SLC7A14: variants seen among roughly 807,000 people sequenced by gnomAD.
SLC7A14 encodes the protein gamma-aminobutyric acid transporter SLC7A14.
SLC7A14 carries 37 observed loss-of-function variants against 60.2 expected under a neutral mutation model. The ratio of observed to expected loss-of-function variants is 0.61; its 90% CI spans 0.47 to 0.81. SLC7A14 has a LOEUF of 0.81. SLC7A14 is among the 30% of genes least tolerant of loss of function. SLC7A14 has a pLI of 0.00. For missense variants in SLC7A14, 886 were observed against 982.7 expected, an observed-to-expected ratio of 0.90 and a Z score of 1.32; for synonymous variants, 399 against 395.8, an observed-to-expected ratio of 1.01 and a Z score of -0.10.
intron 1 of SLC7A14, among the ~76,000 whole-genome samples, chr3:170,575,422 G>A (rs980149547): frequency 1.3e-5 from 2 of 152,200 alleles, no homozygotes; most frequent in Admixed American, 6.5e-5. Context: ...TCATGTGTTA[G>A]TGTACTGTCT....
At chr3:170,545,740 A>G (rs1714159004) in intron 1 of SLC7A14, among the ~76,000 whole-genome samples, 1 of 152,226 alleles carries the variant, frequency 6.6e-6, no homozygotes, top group African/African-American at 2.4e-5. Context: ...TTCTCCTGCC[A>G]AGAAAACTTT....
intron 1 of SLC7A14, among the ~76,000 whole-genome samples, chr3:170,571,365 C>A (rs1356239714): frequency 6.6e-6 from 1 of 152,172 alleles, no homozygotes; most frequent in Non-Finnish European, 1.5e-5. Context: ...CTGTCTTTCA[C>A]AAACCACTCA....
Position 170,483,317 on chromosome 3 carries a change from A to G in SLC7A14, c.1112T>C (p.Phe371Ser). ...IYAMAGDGLL[F>S]RFLAHVSSYT... is the part of the protein sequence containing the mutation. ...TTTCATGGAGCATAGCCCTTACCTG[A>G]AAAGGAGCCCGTCACCAGCCATGGC... is the stretch of plus-strand genomic sequence containing the variant. The change falls in exon 6 of 8, where the codon TTC becomes TCC. Residue 371 changes from phenylalanine to serine, a missense_variant. Physicochemically the swap from Phe to Ser is radical, Grantham distance 155. Transcript: ENST00000231706. The G allele has an allele frequency of 1.2e-6, 2 of 1,614,004 alleles. No homozygotes were observed. Among genetic ancestry groups the G allele is most frequent in the Non-Finnish European group, 1.7e-6 (2 of 1,179,928 alleles).
intron 2 of SLC7A14, among the ~76,000 whole-genome samples, chr3:170,512,933 T>A (rs1490937554): frequency 6.6e-6 from 1 of 152,006 alleles, no homozygotes; most frequent in African/African-American, 2.4e-5. Flanking sequence ...CTGCTGCTGG[T>A]CTATGAGGAT....
intron 4 of SLC7A14, among the ~76,000 whole-genome samples, chr3:170,492,506 A>G (rs948707230): frequency 1.7e-4 from 26 of 152,188 alleles, no homozygotes; most frequent in African/African-American, 6.3e-4. Context: ...CTCTGCCTCA[A>G]AAAAAAGTAC....
chr3:170,585,044 C>A lies in SLC7A14; in HGVS notation c.-153+867G>T, dbSNP rs991066080. Among the ~76,000 whole-genome samples the A allele has an allele frequency of 2.0e-5, 3 of 151,896 alleles. No homozygotes were observed. Among genetic ancestry groups the A allele is most frequent in the Non-Finnish European group, 4.4e-5 (3 of 67,974 alleles). On this transcript the variant is annotated intron_variant, in intron 1 of 7. Coordinates refer to ENST00000231706, the MANE Select transcript of SLC7A14 (RefSeq NM_020949.3). The surrounding 1 kb of genome is among the most constrained non-coding windows in gnomAD (Gnocchi z 5.1). ...CTCTTCAATCGCAATATAAAATACT[C>A]ATTTGGGGAGGGGGCAGGGTGACAC...
At chr3:170,485,506 CA>C (rs1002964328) in intron 5 of SLC7A14, among the ~76,000 whole-genome samples, 1 of 152,096 alleles carries the variant, frequency 6.6e-6, no homozygotes, top group African/African-American at 2.4e-5. Context: ...TCTCCATTGC[CA>C]GGGGCAGAGG....
intron 2 of SLC7A14, among the ~76,000 whole-genome samples, chr3:170,515,602 T>A (rs186854922): frequency 7.9e-5 from 12 of 151,354 alleles, no homozygotes; most frequent in Admixed American, 6.6e-4. Flanking sequence ...TCCCAGATGC[T>A]AGCTGGGGTT....
chr3:170,480,332 G>A lies in SLC7A14; in HGVS notation c.1950C>T (p.Leu650=), dbSNP rs1711766640. Residue 650 remains leucine (L), a synonymous_variant, in exon 7 of 8, where the codon CTC becomes CTT. Transcript: ENST00000231706. ...CAAACCGGATCCATGTGATGGTGGA[G>A]AGCTTTAGCATGAGATAGATGTTCA... is the stretch of plus-strand genomic sequence containing the variant. ...MLVNIYLMLK[L]STITWIRFAV... 7.0e-6 allele frequency: 11 copies of A among 1,563,240 alleles called. No homozygotes were observed. Among genetic ancestry groups the A allele is most frequent in the Non-Finnish European group, 9.5e-6 (11 of 1,154,320 alleles).
At chr3:170,529,520 G>C (rs938934004) in intron 1 of SLC7A14, among the ~76,000 whole-genome samples, 2 of 152,180 alleles carry the variant, frequency 1.3e-5, no homozygotes, top group Admixed American at 6.5e-5. Context: ...GGTAGCAGTT[G>C]CTGTGGCAAA....
chr3:170,496,388 T>A, intron 4 of SLC7A14: 2 of 1,425,394 alleles, frequency 1.4e-6, no homozygotes, highest in South Asian at 2.3e-5. Context: ...GGCTCCAGGC[T>A]GAGATTGAGG....
chr3:170,566,397 T>C (rs1444032687), intron 1 of SLC7A14, among the ~76,000 whole-genome samples: 1 of 152,194 alleles, frequency 6.6e-6, no homozygotes, highest in Non-Finnish European at 1.5e-5. Context: ...GCTAAGTTCT[T>C]CTCAAACAAG....
In SLC7A14 at chr3:170,465,392, C is replaced by T. The variant is rs1739693753; in HGVS notation, c.*1663G>A. The T allele has an allele frequency of 6.6e-6, 1 of 152,234 alleles. No individual in the cohort carries two copies. The highest frequency in any genetic ancestry group is 2.4e-5 in the African/African-American group (1 of 41,454). The allele number at this position is 152,234 out of a possible 1,614,324, so 9.4% of individuals were successfully genotyped here. A position where few individuals can be genotyped will look rare whatever the true frequency, so the allele number is the denominator to read the frequency against. The stretch of plus-strand genomic sequence containing the variant: ...GACTGTAGCCCCCAAGGGCAAGTGC[C>T]ATGCTTCTATTCATTCCTGTCACTT... On this transcript the variant is annotated 3_prime_UTR_variant, in exon 8 of 8. Coordinates refer to ENST00000231706, the MANE Select transcript of SLC7A14 (RefSeq NM_020949.3).
intron 4 of SLC7A14, among the ~76,000 whole-genome samples, chr3:170,488,183 G>A (rs1485972088): frequency 6.6e-6 from 1 of 152,160 alleles, no homozygotes; most frequent in African/African-American, 2.4e-5. Flanking sequence ...GGATCCACAG[G>A]CTTCATCAAA....
intron 2 of SLC7A14, among the ~76,000 whole-genome samples, chr3:170,508,223 A>AAACC (rs994454545): frequency 7.9e-5 from 12 of 152,326 alleles, no homozygotes; most frequent in East Asian, 5.8e-4. Context: ...ACAGACCAGA[A>AAACC]AACCAACCAA....
intron 1 of SLC7A14, among the ~76,000 whole-genome samples, chr3:170,540,368 C>T (rs1177815103): frequency 6.6e-6 from 1 of 151,952 alleles, no homozygotes; most frequent in Admixed American, 6.6e-5. Flanking sequence ...CTTGGAGCCT[C>T]AGTCTTTTAC....
At chr3:170,516,865 C>T (rs1165493314) in intron 2 of SLC7A14, among the ~76,000 whole-genome samples, 4 of 152,148 alleles carry the variant, frequency 2.6e-5, no homozygotes, top group African/African-American at 9.7e-5. Flanking sequence ...TATTTAGACC[C>T]AGCCTTTGCC....
intron 6 of SLC7A14, among the ~76,000 whole-genome samples, chr3:170,482,453 G>A (rs891632569): frequency 1.3e-5 from 2 of 152,182 alleles, no homozygotes; most frequent in East Asian, 1.9e-4. Context: ...TCCCTGAACC[G>A]GCCCCCTCTG....
intron 1 of SLC7A14, among the ~76,000 whole-genome samples, chr3:170,544,940 A>T (rs1176957972): frequency 6.6e-6 from 1 of 152,210 alleles, no homozygotes; most frequent in East Asian, 1.9e-4. Flanking sequence ...GTGATGATGA[A>T]AATATTTTCT....
Sources: gnomAD v4.1 joint callset for allele counts (sites outside exome capture counted in the v4.1 genomes callset) on GRCh38, gnomAD v4.1.1 for gene constraint, Gnocchi (gnomAD v3.1) non-coding constraint, MANE v1.5 for transcripts, NCBI Gene and HGNC (gene_info 2026-07-23, HGNC 2026-07-21) for gene names.